The following POMGNT1 variants were observed in gnomAD, a reference collection of about 807,000 sequenced individuals.
The protein encoded by POMGNT1 is protein O-linked-mannose beta-1,2-N-acetylglucosaminyltransferase 1.
Under a neutral mutation model 95.6 loss-of-function variants are expected in POMGNT1, and 67 were observed. The ratio of observed to expected loss-of-function variants is 0.70; its 90% CI spans 0.58 to 0.86. The LOEUF (loss-of-function observed/expected upper bound fraction) is 0.86, where lower values mean the gene tolerates loss of function less well. POMGNT1 is among the 40% of genes least tolerant of loss of function. POMGNT1 has a pLI of 0.00. For missense variants in POMGNT1, 719 were observed against 855.2 expected (o/e 0.84, Z 1.99); for synonymous variants, 298 against 317.9 (o/e 0.94, Z 0.66).
In POMGNT1 at chr1:46,195,886, T is replaced by C. The variant is rs1571666997; in HGVS notation, c.459A>G (p.Ser153=). 1 of 1,613,472 alleles carries C rather than the reference T, an allele frequency of 6.2e-7. No homozygotes were observed. Among genetic ancestry groups the C allele is most frequent in the East Asian group, 2.2e-5 (1 of 44,872 alleles). The change falls in exon 6 of 22, where the codon TCA becomes TCG. Residue 153 remains serine (S), a synonymous_variant. Transcript: ENST00000371984. ...VMAKRVFDTY[S]PHEDEAMVLF... is the part of the protein sequence containing the mutation. The stretch of plus-strand genomic sequence containing the variant: ...GCACCATGGCCTCATCCTCATGAGG[T>C]GAGTACGTGTCAAACACACGTTTTG...
In POMGNT1 at chr1:46,196,926, TG is replaced by T. The variant is rs777265507; in HGVS notation, c.235+43del. The T allele has an allele frequency of 1.9e-5, 30 of 1,614,092 alleles. No homozygotes were observed. In the East Asian group the frequency reaches 6.0e-4, roughly 32 times the overall value. ...CTTAGGGTCTGCCTGCCACTCCAGC[TG>T]TGAGATCCAAGGCCCCCTACCCCAT... On this transcript the variant is annotated intron_variant, in intron 3 of 21. Coordinates refer to ENST00000371984, the MANE Select transcript of POMGNT1 (RefSeq NM_017739.4). The surrounding 1 kb of genome is among the most constrained non-coding windows in gnomAD (Gnocchi z 4.4).
chr1:46,217,909 A>G (rs575277532), intron 1 of POMGNT1, among the ~76,000 whole-genome samples: 3 of 152,332 alleles, frequency 2.0e-5, no homozygotes, highest in South Asian at 4.1e-4. Context: ...GTGGGAAATC[A>G]ATAGAAAATG....
rs1176339464 is a variant in POMGNT1 at position 46,194,958 on chromosome 1, C to T, written c.538G>A (p.Glu180Lys). ...GTGTCCTTGAGGTGGAAGGAGCCCT[C>T]ATCCTGGGGGACCAGAGAAGGCAGT... ...GRVLICTVKD[E>K]GSFHLKDTAK... Residue 180 changes from glutamate (E) to lysine (K), a missense_variant, in exon 7 of 22, where the codon GAG becomes AAG. Physicochemically the swap from Glu to Lys is moderately conservative, Grantham distance 56 (BLOSUM62 1). Around this residue, in one of 5 missense-constraint regions of POMGNT1, gnomAD observed 466 missense variants for 517.4 expected, o/e 0.90. Transcript: ENST00000371984. 2 of 1,614,044 alleles carry T rather than the reference C, an allele frequency of 1.2e-6. No homozygotes were observed. Among genetic ancestry groups the T allele is most frequent in the East Asian group, 2.2e-5 (1 of 44,890 alleles).
Position 46,191,578 on chromosome 1 carries a change from T to C in POMGNT1, c.1539+520A>G, listed in dbSNP as rs772344131. On this transcript the variant is annotated intron_variant, in intron 17 of 21. Coordinates refer to ENST00000371984, the MANE Select transcript of POMGNT1 (RefSeq NM_017739.4). ...TATATGTTTATAATTCAAAGCACTT[T>C]ACATATATTGACTCATTTAAACCTC... The C allele has an allele frequency of 2.7e-4, 60 of 219,826 alleles. 2 individuals carry two copies. The Middle Eastern group carries it at 0.021, about 76-fold the overall frequency. 13.6% of individuals were successfully genotyped at this position (219,826 alleles called of 1,614,324 possible). A position where few individuals can be genotyped will look rare whatever the true frequency, so the allele number is the denominator to read the frequency against.
chr1:46,188,780 A>AG lies in POMGNT1; in HGVS notation c.*489dup, dbSNP rs1446444964. The AG allele has an allele frequency of 6.2e-7, 1 of 1,612,896 alleles. No individual in the cohort carries two copies. Among genetic ancestry groups the AG allele is most frequent in the African/African-American group, 1.3e-5 (1 of 75,062 alleles). The stretch of plus-strand genomic sequence containing the variant: ...GAGAGGAGGCCTGGTCCAGTGTCTA[A>AG]GGGTCTCTGAGTGAGTCTGTGTCAG... On this transcript the variant is annotated 3_prime_UTR_variant, in exon 22 of 22. Transcript: ENST00000371984.
intron 10 of POMGNT1, 38 bp from the exon 11 acceptor site, chr1:46,193,677 C>A: frequency 1.2e-6 from 2 of 1,613,548 alleles, no homozygotes; most frequent in Non-Finnish European, 1.7e-6. Context: ...CACTTCATCA[C>A]CCCTCAACTC....
At chr1:46,193,743 G>T (rs1279164283) in intron 10 of POMGNT1, 104 bp from the exon 11 acceptor site, 2 of 1,597,946 alleles carry the variant, frequency 1.3e-6, no homozygotes, top group Admixed American at 1.8e-5. Context: ...CCACAGAGGT[G>T]AATGCGTCTA....
rs771922809 is a variant in POMGNT1 at position 46,189,347 on chromosome 1, G to T, written c.1906C>A (p.Pro636Thr). 5.6e-6 allele frequency: 9 copies of T among 1,613,874 alleles called. No individual in the cohort carries two copies. Among genetic ancestry groups the T allele is most frequent in the African/African-American group, 2.7e-5 (2 of 75,016 alleles). The change falls in exon 22 of 22, where the codon CCA (proline) becomes ACA (threonine). Residue 636 changes from proline (P) to threonine (T), a missense_variant. Transcript: ENST00000371984. ...VPASPYSVKK[P>T]PSVTPIFLEP... ...AGGAAAATTGGGGTGACTGAGGGTG[G>T]CTTCTTCACTCTGGGAAAATAATAC...
intron 2 of POMGNT1, 35 bp downstream of exon 2, chr1:46,197,667 G>A (rs1571672280): frequency 2.5e-6 from 4 of 1,613,576 alleles, no homozygotes; most frequent in Non-Finnish European, 3.4e-6. Flanking sequence ...CTGGGAGGGA[G>A]CGCTCGGTGG....
At chr1:46,190,552 G>A (rs1557670037) in intron 18 of POMGNT1, 35 bp from the exon 19 acceptor site, 1 of 1,571,766 alleles carries the variant, frequency 6.4e-7, no homozygotes, top group Non-Finnish European at 8.8e-7. Context: ...AGGGGAGTGG[G>A]CAGGCCCTCA....
chr1:46,191,771 A>G, intron 17 of POMGNT1: 1 of 357,242 alleles, frequency 2.8e-6, no homozygotes, highest in East Asian at 7.3e-5. Flanking sequence ...AGTAGCTGGG[A>G]CTACAGGCGC....
At chr1:46,192,278 C>G (rs959757310) in intron 16 of POMGNT1, 30 bp downstream of exon 16, 5 of 1,614,040 alleles carry the variant, frequency 3.1e-6, no homozygotes, top group Admixed American at 1.7e-5. Context: ...GTAGGGGACT[C>G]CAGCCCCCTC....
upstream of POMGNT1, chr1:46,198,532 GCGGCGGCGGTGGCGGCAGCGGCGT>G: frequency 6.7e-6 from 1 of 149,654 alleles, no homozygotes; most frequent in Non-Finnish European, 1.4e-5. Context: ...GGCGGCGGCG[GCGGCGGCGGTGGCGGCAGCGGCGT>G]CGGGGTGTAA....
intron 6 of POMGNT1, chr1:46,195,419 G>C: frequency 2.7e-6 from 1 of 372,734 alleles, no homozygotes; most frequent in Non-Finnish European, 5.2e-6. Flanking sequence ...CTCCTTGCAG[G>C]GGCCTTCTCT....
At chr1:46,214,867 CAAAAAAAA>C (rs5773905) in intron 1 of POMGNT1, among the ~76,000 whole-genome samples, 3 of 89,546 alleles carry the variant, frequency 3.4e-5, no homozygotes, top group East Asian at 6.5e-4. Flanking sequence ...GACTCCATCT[CAAAAAAAA>C]AAAAAAAAAA....
At chr1:46,219,547 G>A (rs1249800434) in intron 1 of POMGNT1, 3 of 746,444 alleles carry the variant, frequency 4.0e-6, no homozygotes, top group East Asian at 5.3e-5. Context: ...GCAGCAGTCT[G>A]TCTGCTTCTG....
intron 1 of POMGNT1, among the ~76,000 whole-genome samples, chr1:46,212,524 G>A (rs924783632): frequency 6.6e-6 from 1 of 150,976 alleles, no homozygotes; most frequent in South Asian, 2.1e-4. Context: ...CTCGTGATCC[G>A]CCCGCCTTGG....
chr1:46,197,950 TC>T, intron 1 of POMGNT1, 79 bp from the exon 2 acceptor site: 2 of 1,362,276 alleles, frequency 1.5e-6, no homozygotes, highest in East Asian at 2.4e-5. Context: ...AGGGAGGACC[TC>T]CCAGCAACTC....
rs776165339 is a variant in POMGNT1 at position 46,195,905 on chromosome 1, C to T, written c.440G>A (p.Arg147His). 58 of 1,613,876 alleles carry T rather than the reference C, an allele frequency of 3.6e-5. No individual in the cohort carries two copies. Among genetic ancestry groups the T allele is most frequent in the African/African-American group, 5.3e-5 (4 of 74,908 alleles). Residue 147 changes from arginine to histidine, a missense_variant, in exon 6 of 22, where the codon CGT becomes CAT. This residue lies in a region of POMGNT1 where 466 missense variants were observed against 517.4 expected (regional missense o/e 0.90). Coordinates refer to ENST00000371984, the MANE Select transcript of POMGNT1 (RefSeq NM_017739.4). The stretch of plus-strand genomic sequence containing the variant: ...ATGAGGTGAGTACGTGTCAAACACA[C>T]GTTTTGCCATCACGTGGCCCTGGCA... ...NQATGHVMAK[R>H]VFDTYSPHED...
Sources: gnomAD v4.1 joint callset for allele counts (sites outside exome capture counted in the v4.1 genomes callset) on GRCh38, gnomAD v4.1.1 for gene constraint, gnomAD v4.1.1 regional missense constraint, Gnocchi (gnomAD v3.1) non-coding constraint, MANE v1.5 for transcripts, NCBI Gene and HGNC (gene_info 2026-07-23, HGNC 2026-07-21) for gene names.